The following STRN variants were observed in gnomAD, a reference collection of about 807,000 sequenced individuals.
STRN encodes the protein striatin, also known as protein phosphatase 2 regulatory subunit B'''alpha.
STRN carries 53 observed loss-of-function variants against 96.3 expected under a neutral mutation model. The ratio of observed to expected loss-of-function variants is 0.55; its 90% CI spans 0.44 to 0.69. The LOEUF (loss-of-function observed/expected upper bound fraction) is 0.69. Among genes scored for constraint, STRN ranks in the 30% least tolerant of loss-of-function variants. The pLI is 0.00. For missense variants in STRN, 987 were observed against 963.9 expected, an observed-to-expected ratio of 1.02 and a Z score of -0.32; for synonymous variants, 428 against 355.9, an observed-to-expected ratio of 1.20 and a Z score of -2.28.
chr2:36,917,053 A>AT (rs1018160030), intron 2 of STRN, among the ~76,000 whole-genome samples: 3 of 125,738 alleles, frequency 2.4e-5, no homozygotes, highest in African/African-American at 1.4e-4. Context: ...ATAAAAAAAT[A>AT]AAAAATAAAA....
rs1668023192 is a variant in STRN at position 36,844,732 on chromosome 2, A to G, written c.*4724T>C. On this transcript the variant is annotated 3_prime_UTR_variant, in exon 18 of 18. Coordinates refer to ENST00000263918, the MANE Select transcript of STRN (RefSeq NM_003162.4). ...GAAAGGATCTGTTAAATACTTTGTC[A>G]ACCTGGCATCCCTGACACTGACATG... The G allele has an allele frequency of 6.6e-6, 1 of 152,144 alleles. No individual in the cohort carries two copies. The highest frequency in any genetic ancestry group is 1.9e-4 in the East Asian group (1 of 5,198). The allele number at this position is 152,144 out of a possible 1,614,324, so 9.4% of individuals were successfully genotyped here.
chr2:36,846,399 A>ATATATATAT lies in STRN; in HGVS notation c.*3048_*3056dup, dbSNP rs1219487960. On this transcript the variant is annotated 3_prime_UTR_variant, in exon 18 of 18. Coordinates refer to ENST00000263918, the MANE Select transcript of STRN (RefSeq NM_003162.4). ...ATGCACCTATGGTTTATATATATATATATATATATATATATATATATATAT... is the reference window on the plus strand; with the variant it reads ...ATGCACCTATGGTTTATATATATATATATATATATTATATATATATATATATATATATAT... 4.3e-5 allele frequency: 2 copies of ATATATATAT among 46,730 alleles called. No individual in the cohort carries two copies. The highest frequency in any genetic ancestry group is 1.4e-4 in the Non-Finnish European group (2 of 14,302). The allele number at this position is 46,730 out of a possible 1,614,324, so 2.9% of individuals were successfully genotyped here.
chr2:36,848,648 T>C lies in STRN; in HGVS notation c.*808A>G, dbSNP rs781026920. 4 of 152,168 alleles carry C rather than the reference T, an allele frequency of 2.6e-5. No individual in the cohort carries two copies. The highest frequency in any genetic ancestry group is 4.4e-5 in the Non-Finnish European group (3 of 68,028). The allele number at this position is 152,168 out of a possible 1,614,324, so 9.4% of individuals were successfully genotyped here. On this transcript the variant is annotated 3_prime_UTR_variant, in exon 18 of 18. Coordinates refer to ENST00000263918, the MANE Select transcript of STRN (RefSeq NM_003162.4). ...GAAATTATTAAAGAGATATGCCCTG[T>C]TTACCCTTAAAAATAAACAGAATTT...
chr2:36,921,069 G>A (rs532955518), intron 2 of STRN, among the ~76,000 whole-genome samples: 2 of 151,318 alleles, frequency 1.3e-5, no homozygotes, highest in African/African-American at 2.4e-5. Context: ...GCAAGGCTCT[G>A]TCTCAAAGAA....
chr2:36,923,388 T>C (rs11681167), intron 2 of STRN, among the ~76,000 whole-genome samples: 61,793 of 147,380 alleles, frequency 0.42, 13,144 homozygotes, highest in East Asian at 0.56. Flanking sequence ...AAGGCGGAGG[T>C]TGCAGTAAGC....
In STRN at chr2:36,846,801, T is replaced by G. The variant is rs977839391; in HGVS notation, c.*2655A>C. ...GTAGCAAATGAGCTCCATATGACAG[T>G]TGAGTTTTGAGAAGGGTGCTGCAAG... On this transcript the variant is annotated 3_prime_UTR_variant, in exon 18 of 18. Transcript: ENST00000263918. 1.3e-5 allele frequency: 2 copies of G among 151,976 alleles called. No homozygotes were observed. The highest frequency in any genetic ancestry group is 2.4e-5 in the African/African-American group (1 of 41,362). 9.4% of individuals were successfully genotyped at this position (151,976 alleles called of 1,614,324 possible).
chr2:36,850,913 C>A lies in STRN; in HGVS notation c.2086+87G>T, dbSNP rs1443426012. Reference sequence around the variant, plus strand: ...CAGTGCCTATTCCCTGACTACGAAACCACCAAGAGACACCAAAATTAGCCT... The same window carrying A: ...CAGTGCCTATTCCCTGACTACGAAAACACCAAGAGACACCAAAATTAGCCT... On this transcript the variant is annotated intron_variant, in intron 16 of 17. Coordinates refer to ENST00000263918, the MANE Select transcript of STRN (RefSeq NM_003162.4). 2.9e-6 allele frequency: 3 copies of A among 1,041,452 alleles called. No homozygotes were observed. In the East Asian group the frequency reaches 8.0e-5, roughly 28 times the overall value. The allele number at this position is 1,041,452 out of a possible 1,614,324, so 64.5% of individuals were successfully genotyped here.
intron 4 of STRN, chr2:36,903,005 A>C (rs551030999): frequency 2.1e-4 from 50 of 238,492 alleles, no homozygotes; most frequent in African/African-American, 9.8e-4. Flanking sequence ...CCATAAGAAG[A>C]AGCTGGTCTT....
In STRN at chr2:36,845,920, C is replaced by T. The variant is rs1470278498; in HGVS notation, c.*3536G>A. Reference sequence around the variant, plus strand: ...ACACACACACACGCATGCATGCACACACACACACACACACACACACACACA... The same window carrying T: ...ACACACACACACGCATGCATGCACATACACACACACACACACACACACACA... On this transcript the variant is annotated 3_prime_UTR_variant, in exon 18 of 18. Transcript: ENST00000263918. 1 of 29,194 alleles carries T rather than the reference C, an allele frequency of 3.4e-5. No individual in the cohort carries two copies. Among genetic ancestry groups the T allele is most frequent in the Non-Finnish European group, 9.9e-5 (1 of 10,078 alleles). 1.8% of individuals were successfully genotyped at this position (29,194 alleles called of 1,614,324 possible).
intron 16 of STRN, 132 bp from the exon 17 acceptor site, chr2:36,849,932 A>C (rs1409586626): frequency 2.5e-6 from 2 of 810,022 alleles, no homozygotes; most frequent in African/African-American, 3.5e-5. Context: ...TTTTTCCATC[A>C]CCTAAAACAA....
chr2:36,894,616 C>T (rs1669490683), intron 6 of STRN, among the ~76,000 whole-genome samples: 1 of 152,140 alleles, frequency 6.6e-6, no homozygotes, highest in African/African-American at 2.4e-5. Flanking sequence ...CCAACATGGG[C>T]CTAAAGAAAT....
chr2:36,849,816 T>A lies in STRN; in HGVS notation c.2087-16A>T. ...ATCAGTTTGCCTTTGGAAAAAGAGA[T>A]TGTTACTCCTTATTAATGCCTTTCC... On this transcript the variant is annotated splice_polypyrimidine_tract_variant and intron_variant, in intron 16 of 17. Transcript: ENST00000263918. 1 of 1,611,566 alleles carries A rather than the reference T, an allele frequency of 6.2e-7. No homozygotes were observed.
intron 14 of STRN, among the ~76,000 whole-genome samples, chr2:36,856,767 C>A (rs148096970): frequency 1.3e-5 from 2 of 152,168 alleles, no homozygotes; most frequent in Non-Finnish European, 2.9e-5. Flanking sequence ...ATTGGAGATA[C>A]GGCCTGGCGG....
intron 8 of STRN, among the ~76,000 whole-genome samples, chr2:36,884,420 C>G (rs1193629691): frequency 6.6e-6 from 1 of 152,168 alleles, no homozygotes; most frequent in Non-Finnish European, 1.5e-5. Flanking sequence ...CTGAATTAAA[C>G]AGTAACATCC....
chr2:36,958,133 T>G (rs1664941311), intron 1 of STRN, among the ~76,000 whole-genome samples: 1 of 151,970 alleles, frequency 6.6e-6, no homozygotes, highest in Admixed American at 6.6e-5. Flanking sequence ...TTGGCCAAGC[T>G]GGTCTTGAAC....
intron 13 of STRN, 42 bp from the exon 14 acceptor site, chr2:36,858,065 C>T (rs916093965): frequency 4.0e-6 from 6 of 1,500,722 alleles, no homozygotes; most frequent in Non-Finnish European, 5.4e-6. Context: ...AGAAAAACAA[C>T]CACAAAGGTA....
At chr2:36,861,351 A>G (rs2148137710) in intron 12 of STRN, 98 bp from the exon 13 acceptor site, 3 of 1,452,568 alleles carry the variant, frequency 2.1e-6, no homozygotes, top group South Asian at 1.3e-5. Context: ...CCAAATGGCT[A>G]TTTTTCTGCT....
intron 2 of STRN, among the ~76,000 whole-genome samples, chr2:36,920,599 T>C (rs1236727941): frequency 2.8e-5 from 4 of 141,472 alleles, no homozygotes; most frequent in African/African-American, 2.7e-5. Flanking sequence ...GATCGTGCCA[T>C]GGCACTCCAG....
chr2:36,964,715 C>T (rs1665116813), intron 1 of STRN, among the ~76,000 whole-genome samples: 1 of 152,226 alleles, frequency 6.6e-6, no homozygotes, highest in Non-Finnish European at 1.5e-5. Flanking sequence ...TCTAAAATAG[C>T]TGCCCCTATC....
Sources: allele counts gnomAD v4.1 joint callset (sites outside exome capture counted in the v4.1 genomes callset), GRCh38; gene constraint gnomAD v4.1.1; transcripts MANE v1.5; gene names NCBI Gene and HGNC (gene_info 2026-07-23, HGNC 2026-07-21).